The following GALNT18 variants were observed in gnomAD, a reference collection of about 807,000 sequenced individuals.
GALNT18 encodes polypeptide N-acetylgalactosaminyltransferase 18, also known as GalNAc-transferase 18.
A neutral mutation model predicts 69.5 loss-of-function variants in GALNT18; 44 were observed. The ratio of observed to expected loss-of-function variants is 0.63; its 90% CI spans 0.50 to 0.81. The LOEUF is 0.81. GALNT18 is among the 40% of genes least tolerant of loss of function. The pLI is 0.00. For missense variants in GALNT18, 715 were observed against 810.0 expected (o/e 0.88, Z 1.42); for synonymous variants, 364 against 318.2 (o/e 1.14, Z -1.53).
Position 11,563,483 on chromosome 11 carries a change from G to A in GALNT18, c.235+57876C>T, listed in dbSNP as rs761165174. On this transcript the variant is annotated intron_variant, in intron 1 of 10. Transcript: ENST00000227756. The surrounding 1 kb of genome is among the most constrained non-coding windows in gnomAD (Gnocchi z 4.6). Reference sequence around the variant, plus strand: ...CCCACAAGTAGTTTCCAACTTGTGAGTTTGAACACTTAAGCTGAAAAAGGA... The same window carrying A: ...CCCACAAGTAGTTTCCAACTTGTGAATTTGAACACTTAAGCTGAAAAAGGA... 2.0e-5 allele frequency among the ~76,000 whole-genome samples: 3 copies of A among 152,198 alleles called. No homozygotes were observed. The highest frequency in any genetic ancestry group is 4.4e-5 in the Non-Finnish European group (3 of 68,038).
chr11:11,589,385 T>A (rs1474035215), intron 1 of GALNT18, among the ~76,000 whole-genome samples: 1 of 152,104 alleles, frequency 6.6e-6, no homozygotes, highest in East Asian at 1.9e-4. Flanking sequence ...ATACAAGCAA[T>A]CTCCTTTGTC....
At position 11,448,785 on chromosome 11, in the gene GALNT18, G is replaced by T. The variant is rs774858488; in HGVS notation, c.387C>A (p.Arg129=). The stretch of plus-strand genomic sequence containing the variant: ...CAGGCAGGGGCCGGTCCAGGGGCAG[G>T]CGGTCGCTGAGGTAGGCGTTGTAGC... ...YYGYNAYLSD[R]LPLDRPLPDL... is the part of the protein sequence containing the mutation. The change falls in exon 2 of 11, where the codon CGC becomes CGA. Residue 129 remains arginine (R), a synonymous_variant. Coordinates refer to ENST00000227756, the MANE Select transcript of GALNT18 (RefSeq NM_198516.3). 9 of 1,612,884 alleles carry T rather than the reference G, an allele frequency of 5.6e-6. No individual in the cohort carries two copies. The highest frequency in any genetic ancestry group is 6.8e-6 in the Non-Finnish European group (8 of 1,179,806).
rs543059358 is a variant in GALNT18 at position 11,320,844 on chromosome 11, C to T, written c.1512+6242G>A. Among the ~76,000 whole-genome samples, 2 of 152,320 alleles carry T rather than the reference C, an allele frequency of 1.3e-5. No homozygotes were observed. The highest frequency in any genetic ancestry group is 2.9e-5 in the Non-Finnish European group (2 of 68,034). On this transcript the variant is annotated intron_variant, in intron 9 of 10. Transcript: ENST00000227756. This position sits in a 1 kb window ranked among gnomAD's most constrained non-coding sequence, Gnocchi z 4.9. ...CCTCAACAGAGTCCTGCCACAGCAGCATCCCTACCCCTTCCTGGGAAATGT... is the reference window on the plus strand; with the variant it reads ...CCTCAACAGAGTCCTGCCACAGCAGTATCCCTACCCCTTCCTGGGAAATGT...
intron 9 of GALNT18, among the ~76,000 whole-genome samples, chr11:11,323,472 C>G (rs1423607066): frequency 6.6e-6 from 1 of 152,218 alleles, no homozygotes; most frequent in Non-Finnish European, 1.5e-5. Context: ...TCAAGAATAA[C>G]CCTCTTTGGC....
chr11:11,278,471 A>G (rs1848995964), intron 10 of GALNT18, among the ~76,000 whole-genome samples: 2 of 152,008 alleles, frequency 1.3e-5, no homozygotes, highest in Admixed American at 1.3e-4. Context: ...TCTGTAAAAA[A>G]CCTGCACATT....
At chr11:11,484,670 T>C (rs997775643) in intron 1 of GALNT18, among the ~76,000 whole-genome samples, 6 of 146,952 alleles carry the variant, frequency 4.1e-5, no homozygotes, top group African/African-American at 2.5e-5. Context: ...TGCCTTCAAA[T>C]GATGGAATGG....
Position 11,461,351 on chromosome 11 carries a change from G to A in GALNT18, c.236-12415C>T, listed in dbSNP as rs934817979. ...GCCTTGATTAGAAATTATGCAGAAT[G>A]AAAGCTGCTATTAAAGGGTCAAGTT... On this transcript the variant is annotated intron_variant, in intron 1 of 10. Transcript: ENST00000227756. The surrounding 1 kb of genome is among the most constrained non-coding windows in gnomAD (Gnocchi z 4.1). 6.6e-6 allele frequency among the ~76,000 whole-genome samples: 1 copy of A among 152,136 alleles called. No individual in the cohort carries two copies. The highest frequency in any genetic ancestry group is 2.4e-5 in the African/African-American group (1 of 41,424).
chr11:11,609,995 TG>T (rs1420334973), intron 1 of GALNT18, among the ~76,000 whole-genome samples: 5 of 151,992 alleles, frequency 3.3e-5, no homozygotes, highest in Non-Finnish European at 7.4e-5. Flanking sequence ...AGCCTGCTCC[TG>T]GGGGAAAAAA....
intron 2 of GALNT18, among the ~76,000 whole-genome samples, chr11:11,445,688 C>T: frequency 6.6e-6 from 1 of 152,186 alleles, no homozygotes; most frequent in East Asian, 1.9e-4. Flanking sequence ...ACTGTTAAAG[C>T]CACTTTCACA....
At chr11:11,487,711 A>G (rs2133879881) in intron 1 of GALNT18, among the ~76,000 whole-genome samples, 1 of 152,314 alleles carries the variant, frequency 6.6e-6, no homozygotes, top group African/African-American at 2.4e-5. Flanking sequence ...CTCCATCCAC[A>G]ATATCTGAGG....
At position 11,592,941 on chromosome 11, in the gene GALNT18, T is replaced by C. The variant is rs1859393430; in HGVS notation, c.235+28418A>G. Among the ~76,000 whole-genome samples the C allele has an allele frequency of 1.3e-5, 2 of 152,116 alleles. No homozygotes were observed. The highest frequency in any genetic ancestry group is 2.4e-5 in the African/African-American group (1 of 41,432). ...GTTGTTTTTTTCTGTTTGTTTTTTG[T>C]TTTTGTCTCTGTCTCCCAGGCTGGA... On this transcript the variant is annotated intron_variant, in intron 1 of 10. Coordinates refer to ENST00000227756, the MANE Select transcript of GALNT18 (RefSeq NM_198516.3). The surrounding 1 kb of genome is among the most constrained non-coding windows in gnomAD (Gnocchi z 5.9).
rs1372965278 is a variant in GALNT18 at position 11,587,848 on chromosome 11, A to G, written c.235+33511T>C. On this transcript the variant is annotated intron_variant, in intron 1 of 10. Transcript: ENST00000227756. The surrounding 1 kb of genome is among the most constrained non-coding windows in gnomAD (Gnocchi z 4.4). ...AACCTCTTCTATGGTCCAAAGAATA[A>G]TAAGAACACAAAATATAGAAATCCG... is the stretch of plus-strand genomic sequence containing the variant. Among the ~76,000 whole-genome samples, 1 of 152,152 alleles carries G rather than the reference A, an allele frequency of 6.6e-6. No individual in the cohort carries two copies. Among genetic ancestry groups the G allele is most frequent in the East Asian group, 1.9e-4 (1 of 5,192 alleles).
chr11:11,442,879 G>T (rs1855563184), intron 2 of GALNT18, among the ~76,000 whole-genome samples: 1 of 152,214 alleles, frequency 6.6e-6, no homozygotes, highest in Non-Finnish European at 1.5e-5. Flanking sequence ...GGTGAGAAGG[G>T]CAAAGTCATT....
intron 5 of GALNT18, among the ~76,000 whole-genome samples, chr11:11,376,339 G>A (rs11603595): frequency 0.064 from 9,779 of 152,228 alleles, 445 homozygotes; most frequent in Middle Eastern, 0.23. Flanking sequence ...CCGAGATCAC[G>A]CCATTGCCCT....
chr11:11,400,660 T>C lies in GALNT18; in HGVS notation c.596-21396A>G, dbSNP rs112061164. Among the ~76,000 whole-genome samples, 221 of 152,316 alleles carry C rather than the reference T, an allele frequency of 1.5e-3. 3 individuals carry two copies. Among genetic ancestry groups the C allele is most frequent in the African/African-American group, 5.1e-3 (213 of 41,576 alleles). Reference sequence around the variant, plus strand: ...CTCATCAACCACTGTCTTCTTGCTGTGTCCTCACATGGCAAAAGGGGCAAA... The same window carrying C: ...CTCATCAACCACTGTCTTCTTGCTGCGTCCTCACATGGCAAAAGGGGCAAA... On this transcript the variant is annotated intron_variant, in intron 3 of 10. Transcript: ENST00000227756.
chr11:11,329,867 C>A (rs559769168), intron 8 of GALNT18, among the ~76,000 whole-genome samples: 4 of 152,318 alleles, frequency 2.6e-5, no homozygotes, highest in African/African-American at 7.2e-5. Context: ...TTCCGTAGTG[C>A]AAATGGCTAT....
chr11:11,340,353 C>A lies in GALNT18; in HGVS notation c.1278+466G>T, dbSNP rs1423700151. ...ATCCCCATACACGTGGCTCAAGAAA[C>A]CTGAAAGGCATGTGGATCTTTATAA... is the stretch of plus-strand genomic sequence containing the variant. On this transcript the variant is annotated intron_variant, in intron 7 of 10. Transcript: ENST00000227756. This position sits in a 1 kb window ranked among gnomAD's most constrained non-coding sequence, Gnocchi z 4.2. Among the ~76,000 whole-genome samples the A allele has an allele frequency of 1.3e-5, 2 of 152,168 alleles. No homozygotes were observed. The highest frequency in any genetic ancestry group is 4.8e-5 in the African/African-American group (2 of 41,440).
At position 11,540,694 on chromosome 11, in the gene GALNT18, A is replaced by G. The variant is rs1331504843; in HGVS notation, c.235+80665T>C. ...CCACCTCTAATGAGATATGCACTTC[A>G]AAAAGGCACCCTCAACAAGCACTGA... is the stretch of plus-strand genomic sequence containing the variant. On this transcript the variant is annotated intron_variant, in intron 1 of 10. Coordinates refer to ENST00000227756, the MANE Select transcript of GALNT18 (RefSeq NM_198516.3). The surrounding 1 kb of genome is among the most constrained non-coding windows in gnomAD (Gnocchi z 4.6). Among the ~76,000 whole-genome samples the G allele has an allele frequency of 6.6e-6, 1 of 151,938 alleles. No individual in the cohort carries two copies. The highest frequency in any genetic ancestry group is 6.5e-5 in the Admixed American group (1 of 15,278).
intron 9 of GALNT18, among the ~76,000 whole-genome samples, chr11:11,319,373 G>GGAGGGGGTGA (rs1849806289): frequency 6.6e-6 from 1 of 152,190 alleles, no homozygotes; most frequent in Non-Finnish European, 1.5e-5. Flanking sequence ...TCTGTTGCTA[G>GGAGGGGGTGA]CACCAGAATA....
Sources: gnomAD v4.1 joint callset for allele counts (sites outside exome capture counted in the v4.1 genomes callset) on GRCh38, gnomAD v4.1.1 for gene constraint, Gnocchi (gnomAD v3.1) non-coding constraint, MANE v1.5 for transcripts, NCBI Gene and HGNC (gene_info 2026-07-23, HGNC 2026-07-21) for gene names.